The following PTPRD variants were observed in gnomAD, a reference collection of about 807,000 sequenced individuals.
PTPRD encodes receptor-type tyrosine-protein phosphatase delta.
PTPRD carries 34 observed loss-of-function variants against 214.5 expected under a neutral mutation model. The ratio of observed to expected loss-of-function variants is 0.16; its 90% CI spans 0.12 to 0.21. The LOEUF (loss-of-function observed/expected upper bound fraction) is 0.21. Ranked by LOEUF, PTPRD falls within the 10% of genes least tolerant of loss-of-function variation. The pLI is 1.00. For synonymous variants in PTPRD, 1,128 were observed against 845.7 expected (o/e 1.33, Z -5.79); for missense variants, 2,545 against 2,398.7 (o/e 1.06, Z -1.27).
intron 4 of PTPRD, among the ~76,000 whole-genome samples, chr9:9,986,756 G>T (rs1208039992): frequency 6.6e-6 from 1 of 152,086 alleles, no homozygotes; most frequent in Non-Finnish European, 1.5e-5. Context: ...TTTTGTGATT[G>T]AAATACTCTC....
At chr9:9,954,450 A>C (rs2093733295) in intron 4 of PTPRD, among the ~76,000 whole-genome samples, 1 of 151,946 alleles carries the variant, frequency 6.6e-6, no homozygotes, top group Non-Finnish European at 1.5e-5. Flanking sequence ...ATGTTGTTTT[A>C]ACATTATGAA....
intron 4 of PTPRD, among the ~76,000 whole-genome samples, chr9:9,982,127 G>A (rs781689080): frequency 6.6e-6 from 1 of 152,118 alleles, no homozygotes; most frequent in Non-Finnish European, 1.5e-5. Context: ...GGTGAAGCAC[G>A]GCTTCTATGC....
chr9:9,545,661 C>T (rs1370540605), intron 8 of PTPRD, among the ~76,000 whole-genome samples: 1 of 151,796 alleles, frequency 6.6e-6, no homozygotes, highest in Non-Finnish European at 1.5e-5. Flanking sequence ...TTCTGTTACA[C>T]TGATCTGTAC....
At chr9:9,643,159 C>A (rs1468954333) in intron 7 of PTPRD, among the ~76,000 whole-genome samples, 1 of 152,144 alleles carries the variant, frequency 6.6e-6, no homozygotes, top group African/African-American at 2.4e-5. Context: ...AATCTTGAGG[C>A]AGGTATTCCT....
At chr9:9,985,918 G>C (rs1588187527) in intron 4 of PTPRD, among the ~76,000 whole-genome samples, 1 of 152,036 alleles carries the variant, frequency 6.6e-6, no homozygotes. Flanking sequence ...GAAAACTAAT[G>C]TATAGGTAGA....
intron 4 of PTPRD, among the ~76,000 whole-genome samples, chr9:10,030,449 G>T (rs1032744384): frequency 6.6e-6 from 1 of 152,152 alleles, no homozygotes; most frequent in Non-Finnish European, 1.5e-5. Context: ...TAAGGCCTTA[G>T]GAGTACCTGT....
intron 14 of PTPRD, among the ~76,000 whole-genome samples, chr9:8,545,132 A>C (rs1430517505): frequency 1.3e-5 from 2 of 152,112 alleles, no homozygotes; most frequent in Non-Finnish European, 2.9e-5. Context: ...TGGTAGATTT[A>C]ACAAACAGCA....
chr9:8,779,208 T>C (rs2095601311), intron 11 of PTPRD, among the ~76,000 whole-genome samples: 1 of 152,100 alleles, frequency 6.6e-6, no homozygotes, highest in Non-Finnish European at 1.5e-5. Context: ...GCGAATAATA[T>C]AAAGAACAAC....
chr9:9,068,033 C>T (rs2099737655), intron 10 of PTPRD, among the ~76,000 whole-genome samples: 1 of 152,176 alleles, frequency 6.6e-6, no homozygotes, highest in African/African-American at 2.4e-5. Context: ...GCTCTGTTCT[C>T]CACATCTATA....
In PTPRD at chr9:9,682,334, T is replaced by G. The variant is rs146013849; in HGVS notation, c.-287+52199A>C. 2.1e-4 allele frequency among the ~76,000 whole-genome samples: 32 copies of G among 151,922 alleles called. 1 individual carries two copies. The highest frequency in any genetic ancestry group is 6.5e-4 in the African/African-American group (27 of 41,516). On this transcript the variant is annotated intron_variant, in intron 7 of 45. Coordinates refer to ENST00000381196, the MANE Select transcript of PTPRD (RefSeq NM_002839.4). ...CATTCTACCAAAGATACACTATATTTTTTATTTTCTAATGACTATTCCCAT... is the reference window on the plus strand; with the variant it reads ...CATTCTACCAAAGATACACTATATTGTTTATTTTCTAATGACTATTCCCAT...
intron 11 of PTPRD, among the ~76,000 whole-genome samples, chr9:8,947,201 C>T (rs1238925516): frequency 2.0e-5 from 3 of 151,550 alleles, no homozygotes; most frequent in Non-Finnish European, 2.9e-5. Context: ...TGGTGGCTCA[C>T]GCCTGTAATC....
chr9:10,345,716 A>T (rs1403517386), intron 2 of PTPRD, among the ~76,000 whole-genome samples: 2 of 152,218 alleles, frequency 1.3e-5, no homozygotes, highest in Non-Finnish European at 2.9e-5. Flanking sequence ...ACAGTGTTGC[A>T]AAACACATAC....
At chr9:9,203,486 T>C (rs149805775) in intron 9 of PTPRD, among the ~76,000 whole-genome samples, 1,843 of 152,292 alleles carry the variant, frequency 0.012, 18 homozygotes, top group Middle Eastern at 0.02. Context: ...AAATTTAAAA[T>C]CACTTCTTCC....
chr9:9,108,983 C>T (rs534130074), intron 10 of PTPRD, among the ~76,000 whole-genome samples: 1 of 152,282 alleles, frequency 6.6e-6, no homozygotes, highest in Non-Finnish European at 1.5e-5. Context: ...CCCTCTCCCC[C>T]ACTCTTTGCA....
At position 10,449,580 on chromosome 9, in the gene PTPRD, G is replaced by A. The variant is rs574521559; in HGVS notation, c.-599-108563C>T. ...AGCGTCTCTGCCCGGCCGCCATCCCGTCTAAGTGAGGAGGGTCTCTGCCCA... is the reference window on the plus strand; with the variant it reads ...AGCGTCTCTGCCCGGCCGCCATCCCATCTAAGTGAGGAGGGTCTCTGCCCA... On this transcript the variant is annotated intron_variant, in intron 2 of 45. Transcript: ENST00000381196. 4.2e-4 allele frequency among the ~76,000 whole-genome samples: 63 copies of A among 149,768 alleles called. 2 individuals carry two copies. The highest frequency in any genetic ancestry group is 1.4e-3 in the African/African-American group (57 of 40,348).
intron 12 of PTPRD, among the ~76,000 whole-genome samples, chr9:8,648,687 A>G (rs748933505): frequency 1.4e-4 from 21 of 152,230 alleles, no homozygotes; most frequent in Admixed American, 2.6e-4. Flanking sequence ...TATGCATTAC[A>G]TACAATCTCC....
At chr9:9,130,189 G>A (rs2154473725) in intron 10 of PTPRD, among the ~76,000 whole-genome samples, 1 of 152,270 alleles carries the variant, frequency 6.6e-6, no homozygotes, top group South Asian at 2.1e-4. Context: ...AGAATAATGA[G>A]TGGTTTGACA....
At chr9:8,353,979 A>G (rs1399956772) in intron 39 of PTPRD, among the ~76,000 whole-genome samples, 1 of 94,560 alleles carries the variant, frequency 1.1e-5, no homozygotes, top group Admixed American at 1.1e-4. Context: ...TTTTTTTTTG[A>G]GAAGGAGTCT....
At chr9:10,211,823 G>T (rs1167952367) in intron 3 of PTPRD, among the ~76,000 whole-genome samples, 2 of 152,024 alleles carry the variant, frequency 1.3e-5, no homozygotes, top group African/African-American at 4.8e-5. Flanking sequence ...AGGGGGGTGA[G>T]GGATGAGAAA....
Sources: gnomAD v4.1 joint callset for allele counts (sites outside exome capture counted in the v4.1 genomes callset) on GRCh38, gnomAD v4.1.1 for gene constraint, MANE v1.5 for transcripts, NCBI Gene and HGNC (gene_info 2026-07-23, HGNC 2026-07-21) for gene names.